The following ATF3 variants were observed in gnomAD, a reference collection of about 807,000 sequenced individuals.
ATF3 encodes activating transcription factor 3, also known as cyclic AMP-dependent transcription factor ATF-3.
ATF3 carries 10 observed loss-of-function variants against 18.4 expected under a neutral mutation model. The ratio of observed to expected loss-of-function variants is 0.54; its 90% confidence interval spans 0.34 to 0.92. The LOEUF (loss-of-function observed/expected upper bound fraction) is 0.92, where lower values mean the gene tolerates loss of function less well. Ranked by LOEUF, ATF3 falls within the 40% of genes least tolerant of loss-of-function variation. The probability of loss-of-function intolerance (pLI) is 0.02; values close to 1 mark genes in which losing one functional copy is unlikely to be tolerated. For missense variants in ATF3, 183 were observed against 222.3 expected (o/e 0.82, Z 1.12); for synonymous variants, 78 against 87.9 (o/e 0.89, Z 0.63).
intron 1 of ATF3, among the ~76,000 whole-genome samples, chr1:212,596,592 G>A (rs566007521): frequency 3.3e-4 from 50 of 152,332 alleles, no homozygotes; most frequent in African/African-American, 1.2e-3. Flanking sequence ...ACAGAGCCAA[G>A]GCAGAAGAGT....
At chr1:212,601,297 G>A (rs1654478987) in intron 1 of ATF3, among the ~76,000 whole-genome samples, 1 of 152,224 alleles carries the variant, frequency 6.6e-6, no homozygotes, top group South Asian at 2.1e-4. Context: ...ATCCCTGAGG[G>A]CACAGGGATC....
chr1:212,615,052 G>C lies in ATF3; in HGVS notation c.31G>C (p.Ala11Pro), dbSNP rs1382631116. 6.2e-7 allele frequency: 1 copy of C among 1,614,170 alleles called. No individual in the cohort carries two copies. Among genetic ancestry groups the C allele is most frequent in the Admixed American group, 1.7e-5 (1 of 60,028 alleles). ...GCTTCAACACCCAGGCCAGGTCTCT[G>C]CCTCGGAAGTGAGTGCTTCTGCCAT... is the stretch of plus-strand genomic sequence containing the variant. Reference protein sequence around the residue: MMLQHPGQVSASEVSASAIVP... With the variant: MMLQHPGQVSPSEVSASAIVP... The change falls in exon 2 of 4, where the codon GCC becomes CCC. Residue 11 changes from alanine to proline, a missense_variant. Ala to Pro is a conservative substitution (Grantham distance 27, BLOSUM62 -1). Coordinates refer to ENST00000341491, the MANE Select transcript of ATF3 (RefSeq NM_001674.4).
At chr1:212,590,031 A>C (rs1336249655) in intron 1 of ATF3, among the ~76,000 whole-genome samples, 3 of 152,160 alleles carry the variant, frequency 2.0e-5, no homozygotes, top group Non-Finnish European at 4.4e-5. Flanking sequence ...GGATGTACTT[A>C]AGCAGTAAGT....
Position 212,615,399 on chromosome 1 carries a change from C to T in ATF3, c.240+138C>T, listed in dbSNP as rs979482316. The T allele has an allele frequency of 8.1e-6, 9 of 1,111,192 alleles. No homozygotes were observed. The Admixed American group carries it at 9.3e-5, about 12-fold the overall frequency. The allele number at this position is 1,111,192 out of a possible 1,614,324, so 68.8% of individuals were successfully genotyped here. A position where few individuals can be genotyped will look rare whatever the true frequency, so the allele number is the denominator to read the frequency against. On this transcript the variant is annotated intron_variant, in intron 2 of 3. Coordinates refer to ENST00000341491, the MANE Select transcript of ATF3 (RefSeq NM_001674.4). Reference sequence around the variant, plus strand: ...ACTGCCCTCAGGGAGCTTACCTTCTCCTGGGAGGAGACAGAAGTACATAAC... The same window carrying T: ...ACTGCCCTCAGGGAGCTTACCTTCTTCTGGGAGGAGACAGAAGTACATAAC...
At chr1:212,606,903 C>T (rs1027892376), upstream of ATF3, among the ~76,000 whole-genome samples, 8 of 152,138 alleles carry the variant, frequency 5.3e-5, no homozygotes, top group African/African-American at 1.9e-4. Flanking sequence ...CTGAGCGGCG[C>T]GCGGGGGTGA....
chr1:212,609,456 G>T (rs1654799998), intron 1 of ATF3, among the ~76,000 whole-genome samples: 1 of 152,340 alleles, frequency 6.6e-6, no homozygotes, highest in African/African-American at 2.4e-5. Flanking sequence ...AATGAATGGG[G>T]AAGGGGCGAG....
At position 212,618,511 on chromosome 1, in the gene ATF3, C is replaced by T. The variant is rs982347396; in HGVS notation, c.348+277C>T. ...CGGTTCATACATGTCCATCAGCTTC[C>T]AGGCTGCAGGACATGCCAGCCCAGT... is the stretch of plus-strand genomic sequence containing the variant. On this transcript the variant is annotated intron_variant, in intron 3 of 3. Coordinates refer to ENST00000341491, the MANE Select transcript of ATF3 (RefSeq NM_001674.4). This position sits in a 1 kb window ranked among gnomAD's most constrained non-coding sequence, Gnocchi z 4.4. The T allele has an allele frequency of 1.0e-5, 5 of 484,802 alleles. No homozygotes were observed. Among genetic ancestry groups the T allele is most frequent in the African/African-American group, 1.9e-5 (1 of 51,498 alleles). 30.0% of individuals were successfully genotyped at this position (484,802 alleles called of 1,614,324 possible).
At chr1:212,593,465 T>C (rs1001376210) in intron 1 of ATF3, among the ~76,000 whole-genome samples, 4 of 151,852 alleles carry the variant, frequency 2.6e-5, no homozygotes, top group African/African-American at 7.3e-5. Flanking sequence ...TTGGGTGTGG[T>C]GGCTCATACC....
intron 1 of ATF3, among the ~76,000 whole-genome samples, chr1:212,577,777 A>G (rs1664608407): frequency 1.3e-5 from 2 of 152,330 alleles, no homozygotes; most frequent in South Asian, 2.1e-4. Flanking sequence ...TCACAGCTGA[A>G]TAATATTTCA....
rs553242137 is a variant in ATF3, at chr1:212,597,496, A to G, written c.-4-17522A>G. 6.6e-5 allele frequency among the ~76,000 whole-genome samples: 10 copies of G among 152,122 alleles called. No homozygotes were observed. The South Asian group carries it at 1.9e-3, about 28-fold the overall frequency. On this transcript the variant is annotated intron_variant, in intron 1 of 3. Coordinates refer to the ATF3 transcript ENST00000366981. ...TAGCTATCCATCCATTCATCTATCT[A>G]GCAATCATCTATCTTTTCACCCCCT... is the stretch of plus-strand genomic sequence containing the variant.
At chr1:212,592,854 A>C (rs1390880159) in intron 1 of ATF3, among the ~76,000 whole-genome samples, 2 of 152,102 alleles carry the variant, frequency 1.3e-5, no homozygotes, top group African/African-American at 4.8e-5. Context: ...CATGGCATTT[A>C]AAGATAAGTG....
chr1:212,578,619 C>T lies in ATF3; in HGVS notation c.-5+13136C>T, dbSNP rs960583702. 4.6e-5 allele frequency among the ~76,000 whole-genome samples: 7 copies of T among 152,152 alleles called. No homozygotes were observed. In the South Asian group the frequency reaches 1.2e-3, roughly 27 times the overall value. On this transcript the variant is annotated intron_variant, in intron 1 of 3. Transcript: ENST00000366981. ...GTTGGCTCTTTTTTCTACCTTTAACCGGGAGTAGAATCTTGTCCTGACTAT... is the reference window on the plus strand; with the variant it reads ...GTTGGCTCTTTTTTCTACCTTTAACTGGGAGTAGAATCTTGTCCTGACTAT...
At chr1:212,614,602 A>G (rs113897804) in intron 1 of ATF3, among the ~76,000 whole-genome samples, 25 of 147,226 alleles carry the variant, frequency 1.7e-4, no homozygotes, top group South Asian at 6.6e-4. Context: ...AAAAAAAAAA[A>G]AGAGAGAGAG....
intron 1 of ATF3, among the ~76,000 whole-genome samples, chr1:212,578,891 G>T (rs1664629522): frequency 6.6e-6 from 1 of 151,982 alleles, no homozygotes; most frequent in South Asian, 2.1e-4. Flanking sequence ...TGACGATAGG[G>T]ACAGAGCAGA....
intron 1 of ATF3, among the ~76,000 whole-genome samples, chr1:212,567,080 G>T (rs1664395542): frequency 6.6e-6 from 1 of 152,130 alleles, no homozygotes; most frequent in Non-Finnish European, 1.5e-5. Flanking sequence ...CCACTTCTTT[G>T]AAGCTGTTCT....
chr1:212,612,020 G>A (rs1314119070), intron 1 of ATF3, among the ~76,000 whole-genome samples: 1 of 151,858 alleles, frequency 6.6e-6, no homozygotes, highest in African/African-American at 2.4e-5. Context: ...ATTTCCTTGT[G>A]GGGACACAGC....
intron 1 of ATF3, among the ~76,000 whole-genome samples, chr1:212,581,751 G>A (rs1664688764): frequency 6.6e-6 from 1 of 152,052 alleles, no homozygotes; most frequent in Admixed American, 6.5e-5. Context: ...ATATATACAT[G>A]TGAAATATCT....
chr1:212,606,770 A>G (rs977874038), upstream of ATF3, among the ~76,000 whole-genome samples: 1 of 152,218 alleles, frequency 6.6e-6, no homozygotes, highest in African/African-American at 2.4e-5. Context: ...AGAGATAACA[A>G]ATAACTTCAT....
At chr1:212,615,345 CTGT>C (rs1655074772) in intron 2 of ATF3, 84 bp downstream of exon 2, 4 of 1,509,034 alleles carry the variant, frequency 2.7e-6, no homozygotes, top group Admixed American at 3.9e-5. Context: ...AGGCAGGGGG[CTGT>C]TGTTGAGAGT....
Sources: allele counts gnomAD v4.1 joint callset (sites outside exome capture counted in the v4.1 genomes callset), GRCh38; gene constraint gnomAD v4.1.1; non-coding constraint Gnocchi (gnomAD v3.1); transcripts MANE v1.5; gene names NCBI Gene and HGNC (gene_info 2026-07-23, HGNC 2026-07-21).